KIF19: variants seen among roughly 807,000 people sequenced by gnomAD.
KIF19 encodes the protein kinesin family member 19.
KIF19 carries 98 observed loss-of-function variants against 106.6 expected under a neutral mutation model. The ratio of observed to expected loss-of-function variants is 0.92; its 90% confidence interval spans 0.78 to 1.09. The LOEUF is 1.09. Ranked by LOEUF, KIF19 falls within the 50% of genes least tolerant of loss-of-function variation. KIF19 has a pLI of 0.00. For synonymous variants in KIF19, 516 were observed against 584.2 expected (o/e 0.88, Z 1.68); for missense variants, 1,373 against 1,414.3 (o/e 0.97, Z 0.47).
intron 4 of KIF19, 47 bp from the exon 5 acceptor site, chr17:74,342,977 T>TACCAAC: frequency 6.5e-7 from 1 of 1,527,892 alleles, no homozygotes; most frequent in Non-Finnish European, 8.8e-7. Flanking sequence ...CAGCAAGGCC[T>TACCAAC]CCCTCCCAGC....
In KIF19 at chr17:74,355,374, GGGAGGT is replaced by G; in HGVS notation, c.*68_*73del. ...GACTGAATGGGGTCTAGCAGGGCAT[GGGAGGT>G]GGAGGCTGGGCAGATGGAGATGACC... On this transcript the variant is annotated 3_prime_UTR_variant, in exon 20 of 20. Transcript: ENST00000389916. The G allele has an allele frequency of 2.0e-6, 3 of 1,489,578 alleles. No homozygotes were observed. The highest frequency in any genetic ancestry group is 2.7e-6 in the Non-Finnish European group (3 of 1,118,036). 92.3% of individuals were successfully genotyped at this position (1,489,578 alleles called of 1,614,324 possible). A position where few individuals can be genotyped will look rare whatever the true frequency, so the allele number is the denominator to read the frequency against.
chr17:74,349,098 A>AG, intron 9 of KIF19, 86 bp from the exon 10 acceptor site: 1 of 1,395,660 alleles, frequency 7.2e-7, no homozygotes, highest in Non-Finnish European at 1.0e-6. Context: ...TGGGGGAGGC[A>AG]GGGGGAAGAA....
rs751460910 is a variant in KIF19, at chr17:74,347,833, C to A, written c.981C>A (p.Ser327Arg). 2 of 1,587,004 alleles carry A rather than the reference C, an allele frequency of 1.3e-6. No homozygotes were observed. The highest frequency in any genetic ancestry group is 3.6e-5 in the Admixed American group (2 of 56,038). ...TVMIAHISPA[S>R]SAFEESRNTL... is the part of the protein sequence containing the mutation. ...TGATCGCTCACATCAGTCCTGCGAG[C>A]AGTGCCTTCGAGGAGTCCCGGAACA... Residue 327 changes from serine to arginine, a missense_variant, in exon 9 of 20, where the codon AGC becomes AGA. By Grantham distance (110) the Ser-to-Arg change is moderately radical (BLOSUM62 -1). Around this residue, in one of 3 missense-constraint regions of KIF19, gnomAD observed 1,020 missense variants for 1,008.2 expected, o/e 1.01. Coordinates refer to ENST00000389916, the MANE Select transcript of KIF19 (RefSeq NM_153209.4).
At chr17:74,330,877 A>G (rs779774416) in intron 2 of KIF19, among the ~76,000 whole-genome samples, 73 of 152,270 alleles carry the variant, frequency 4.8e-4, no homozygotes, top group Non-Finnish European at 9.1e-4. Flanking sequence ...AGAGCTCTCC[A>G]TGCAAACTCC....
intron 2 of KIF19, among the ~76,000 whole-genome samples, chr17:74,335,265 A>G (rs562098393): frequency 5.3e-5 from 8 of 152,334 alleles, no homozygotes; most frequent in African/African-American, 1.9e-4. Flanking sequence ...CCCCACAGCA[A>G]AGAATGATCC....
rs2054676115 is a variant in KIF19 at position 74,350,724 on chromosome 17, C to G, written c.1406C>G (p.Ser469Cys). ...TGCGGCAGCTGGAAGCATGAGAAGT[C>G]CCGCCGGGCCCTCAAATGGCGGGAG... The part of the protein sequence containing the change: ...LTIAGWKHEK[S>C]RRALKWREEQ... The change falls in exon 12 of 20, where the codon TCC becomes TGC. Residue 469 changes from serine (S) to cysteine (C), a missense_variant. Physicochemically the swap from Ser to Cys is moderately radical, Grantham distance 112. Around this residue, in one of 3 missense-constraint regions of KIF19, gnomAD observed 1,020 missense variants for 1,008.2 expected, o/e 1.01. Coordinates refer to ENST00000389916, the MANE Select transcript of KIF19 (RefSeq NM_153209.4). 6.2e-7 allele frequency: 1 copy of G among 1,613,828 alleles called. No individual in the cohort carries two copies. Among genetic ancestry groups the G allele is most frequent in the East Asian group, 2.2e-5 (1 of 44,882 alleles).
intron 4 of KIF19, 47 bp from the exon 5 acceptor site, chr17:74,342,977 T>A: frequency 6.5e-7 from 1 of 1,527,890 alleles, no homozygotes; most frequent in Non-Finnish European, 8.8e-7. Context: ...CAGCAAGGCC[T>A]CCCTCCCAGC....
In KIF19 at chr17:74,353,531, C is replaced by CT; in HGVS notation, c.2260dup (p.Ser754PhefsTer3). 3.1e-6 allele frequency: 5 copies of CT among 1,613,928 alleles called. No individual in the cohort carries two copies. Among genetic ancestry groups the CT allele is most frequent in the Non-Finnish European group, 3.4e-6 (4 of 1,179,900 alleles). ...GACAGCCTGGGCAGCTGGATCAACT[C>CT]TTCCCCTGACAGCAGTGAGAACCTG... is the stretch of plus-strand genomic sequence containing the variant. On this transcript the variant is annotated frameshift_variant, in exon 17 of 20. Coordinates refer to ENST00000389916, the MANE Select transcript of KIF19 (RefSeq NM_153209.4). LOFTEE classifies it high-confidence loss of function.
intron 2 of KIF19, among the ~76,000 whole-genome samples, chr17:74,338,425 T>C (rs1397330743): frequency 1.3e-5 from 2 of 148,940 alleles, no homozygotes; most frequent in Non-Finnish European, 3.0e-5. Flanking sequence ...CCTGAGTGAG[T>C]GGCCTCATTC....
intron 2 of KIF19, among the ~76,000 whole-genome samples, chr17:74,341,602 G>A (rs1431329354): frequency 2.6e-5 from 4 of 152,156 alleles, no homozygotes; most frequent in East Asian, 1.9e-4. Flanking sequence ...AGATGATGGC[G>A]AGCCTGACCC....
rs199765348 is a variant in KIF19 at position 74,352,056 on chromosome 17, C to G, written c.1777C>G (p.Arg593Gly). Reference protein sequence around the residue: ...ALLRDGALRHRHEAVRRLEQH... With the variant: ...ALLRDGALRHGHEAVRRLEQH... ...GCTCCGCGACGGTGCGCTCCGCCAC[C>G]GCCACGAGGCCGTGCGCCGCCTGGA... Residue 593 changes from arginine (R) to glycine (G), a missense_variant, in exon 13 of 20, where the codon CGC (arginine) becomes GGC (glycine). By Grantham distance (125) the Arg-to-Gly change is moderately radical (BLOSUM62 -2). Around this residue, in one of 3 missense-constraint regions of KIF19, gnomAD observed 1,020 missense variants for 1,008.2 expected, o/e 1.01. Coordinates refer to ENST00000389916, the MANE Select transcript of KIF19 (RefSeq NM_153209.4). 1.3e-6 allele frequency: 2 copies of G among 1,586,818 alleles called. No homozygotes were observed. The highest frequency in any genetic ancestry group is 1.1e-5 in the South Asian group (1 of 88,526).
At chr17:74,354,032 T>C (rs751954775) in intron 17 of KIF19, 130 bp from the exon 18 acceptor site, 16 of 1,067,750 alleles carry the variant, frequency 1.5e-5, no homozygotes, top group Non-Finnish European at 2.0e-5. Flanking sequence ...GTTTCTTACA[T>C]AGCAAACCCC....
At chr17:74,332,742 T>A (rs1380250421) in intron 2 of KIF19, among the ~76,000 whole-genome samples, 1 of 152,022 alleles carries the variant, frequency 6.6e-6, no homozygotes, top group Non-Finnish European at 1.5e-5. Context: ...GCGTGACTCC[T>A]GGGATGGAAA....
intron 10 of KIF19, 94 bp downstream of exon 10, chr17:74,349,443 G>T (rs1401815108): frequency 3.1e-6 from 4 of 1,298,892 alleles, no homozygotes; most frequent in Non-Finnish European, 4.1e-6. Context: ...CCAGAATCGG[G>T]CTCTTTCTGG....
At chr17:74,350,928 A>G in intron 12 of KIF19, 23 bp downstream of exon 12, 2 of 1,612,070 alleles carry the variant, frequency 1.2e-6, no homozygotes, top group Non-Finnish European at 1.7e-6. Flanking sequence ...TGGGGGGACA[A>G]GGAGAGTGGG....
chr17:74,342,780 C>T (rs921756900), intron 4 of KIF19, 63 bp downstream of exon 4: 1 of 1,473,808 alleles, frequency 6.8e-7, no homozygotes, highest in African/African-American at 1.4e-5. Flanking sequence ...CGTCACCCTC[C>T]AACTAGTCTG....
chr17:74,347,404 G>A (rs1365883857), intron 8 of KIF19, among the ~76,000 whole-genome samples: 1 of 152,120 alleles, frequency 6.6e-6, no homozygotes, highest in African/African-American at 2.4e-5. Flanking sequence ...AGGCATGGTG[G>A]CAGACGCCTA....
At position 74,353,259 on chromosome 17, in the gene KIF19, C is replaced by T. The variant is rs1408665321; in HGVS notation, c.2178C>T (p.Pro726=). 10 of 1,582,634 alleles carry T rather than the reference C, an allele frequency of 6.3e-6. No individual in the cohort carries two copies. Among genetic ancestry groups the T allele is most frequent in the East Asian group, 2.3e-5 (1 of 43,048 alleles). ...GAWQAKSSSV[P]TPPPIQLGSL... ...GGCAGGCAAAAAGCTCCTCTGTGCC[C>T]ACCCCACCTCCCATCCAGCTCGGCA... Residue 726 remains proline, a synonymous_variant, in exon 16 of 20, where the codon CCC becomes CCT. Transcript: ENST00000389916.
intron 2 of KIF19, among the ~76,000 whole-genome samples, chr17:74,340,556 T>TACACACACACACACACAC (rs61173377): frequency 6.6e-6 from 1 of 151,904 alleles, no homozygotes; most frequent in African/African-American, 2.4e-5. Context: ...TGCGCGCGCG[T>TACACACACACACACACAC]ACACACACAC....
Sources: gnomAD v4.1 joint callset for allele counts (sites outside exome capture counted in the v4.1 genomes callset) on GRCh38, gnomAD v4.1.1 for gene constraint, gnomAD v4.1.1 regional missense constraint, MANE v1.5 for transcripts, NCBI Gene and HGNC (gene_info 2026-07-23, HGNC 2026-07-21) for gene names.